Variants in PHTF2 observed in about 807,000 individuals in gnomAD.
The protein encoded by PHTF2 is protein PHTF2.
Under a neutral mutation model 101.2 loss-of-function variants are expected in PHTF2, and 60 were observed. The ratio of observed to expected loss-of-function variants is 0.59; its 90% CI spans 0.48 to 0.73. PHTF2 has a LOEUF of 0.73. Among genes scored for constraint, PHTF2 ranks in the 30% least tolerant of loss-of-function variants. The probability of loss-of-function intolerance (pLI) is 0.00; values close to 1 mark genes in which losing one functional copy is unlikely to be tolerated. For synonymous variants in PHTF2, 311 were observed against 307.3 expected (o/e 1.01, Z -0.13); for missense variants, 747 against 908.7 (o/e 0.82, Z 2.29).
chr7:77,827,956 T>A (rs1191248501), intron 1 of PHTF2, among the ~76,000 whole-genome samples: 1 of 152,158 alleles, frequency 6.6e-6, no homozygotes, highest in Non-Finnish European at 1.5e-5. Context: ...AATAGTATTT[T>A]TGATGATGAG....
intron 2 of PHTF2, among the ~76,000 whole-genome samples, chr7:77,851,044 A>G (rs1336449523): frequency 6.6e-6 from 1 of 152,158 alleles, no homozygotes; most frequent in African/African-American, 2.4e-5. Context: ...TTTTGTCTTT[A>G]TCAGGGATAC....
intron 3 of PHTF2, among the ~76,000 whole-genome samples, chr7:77,858,164 T>C (rs1307061755): frequency 6.6e-6 from 1 of 152,190 alleles, no homozygotes; most frequent in East Asian, 1.9e-4. Flanking sequence ...ATAAGACTTA[T>C]CCTAGCAGAA....
At chr7:77,816,842 T>G (rs1793891512) in intron 1 of PHTF2, among the ~76,000 whole-genome samples, 1 of 152,248 alleles carries the variant, frequency 6.6e-6, no homozygotes, top group Admixed American at 6.5e-5. Context: ...TGTTCCTGGC[T>G]TTTTTCGCTT....
At chr7:77,944,942 G>A (rs900558679) in intron 16 of PHTF2, among the ~76,000 whole-genome samples, 1 of 152,206 alleles carries the variant, frequency 6.6e-6, no homozygotes, top group Non-Finnish European at 1.5e-5. Flanking sequence ...ATAGTGAACT[G>A]GGAGGTGAAA....
chr7:77,863,023 A>C (rs1797769212), intron 3 of PHTF2, among the ~76,000 whole-genome samples: 1 of 152,220 alleles, frequency 6.6e-6, no homozygotes, highest in African/African-American at 2.4e-5. Context: ...TAGATTCAGC[A>C]CCAAGGATTG....
At chr7:77,872,692 G>T (rs1343313730) in intron 3 of PHTF2, among the ~76,000 whole-genome samples, 1 of 152,184 alleles carries the variant, frequency 6.6e-6, no homozygotes. Flanking sequence ...CTTCAGAGAT[G>T]CAGGTGCTGC....
chr7:77,902,968 A>G (rs559599763), intron 7 of PHTF2, among the ~76,000 whole-genome samples: 21 of 152,296 alleles, frequency 1.4e-4, no homozygotes, highest in African/African-American at 4.8e-4. Context: ...TAATATTTTC[A>G]TGGCAGGAAA....
intron 17 of PHTF2, among the ~76,000 whole-genome samples, 173 bp from the exon 17 acceptor site, chr7:77,951,444 C>G (rs1165714794): frequency 1.3e-5 from 2 of 151,954 alleles, no homozygotes; most frequent in Non-Finnish European, 2.9e-5. Flanking sequence ...GTTTGAGAAA[C>G]AGTTATTATT....
intron 9 of PHTF2, among the ~76,000 whole-genome samples, chr7:77,917,134 T>G (rs1803002399): frequency 6.6e-6 from 1 of 152,238 alleles, no homozygotes; most frequent in African/African-American, 2.4e-5. Context: ...TCTATTTTAT[T>G]CAATTTTTTA....
intron 7 of PHTF2, among the ~76,000 whole-genome samples, chr7:77,904,378 A>G (rs1414963204): frequency 6.6e-6 from 1 of 151,826 alleles, no homozygotes; most frequent in Non-Finnish European, 1.5e-5. Flanking sequence ...TCCTTTCGTA[A>G]CTCCCCAATG....
chr7:77,904,468 A>G (rs765917661), intron 7 of PHTF2, among the ~76,000 whole-genome samples: 1 of 152,244 alleles, frequency 6.6e-6, no homozygotes, highest in African/African-American at 2.4e-5. Flanking sequence ...CCATAACAAA[A>G]TACCACAGAT....
intron 9 of PHTF2, among the ~76,000 whole-genome samples, chr7:77,915,104 G>A (rs1802784738): frequency 6.6e-6 from 1 of 151,608 alleles, no homozygotes; most frequent in Admixed American, 6.6e-5. Flanking sequence ...TAGAGGTGGG[G>A]TTTCACCGTG....
At chr7:77,941,698 T>C in intron 15 of PHTF2, among the ~76,000 whole-genome samples, 1 of 152,208 alleles carries the variant, frequency 6.6e-6, no homozygotes, top group East Asian at 1.9e-4. Context: ...TGCTTCTCTT[T>C]GTTCCATTTC....
intron 19 of PHTF2, among the ~76,000 whole-genome samples, chr7:77,954,610 G>GTATA (rs1295236333): frequency 0.029 from 2,344 of 82,052 alleles, 47 homozygotes; most frequent in Non-Finnish European, 0.036. Flanking sequence ...AACAAGTACT[G>GTATA]TGTATATATA....
At chr7:77,917,673 C>T (rs948319956) in intron 9 of PHTF2, among the ~76,000 whole-genome samples, 2 of 152,144 alleles carry the variant, frequency 1.3e-5, no homozygotes, top group African/African-American at 4.8e-5. Context: ...TGCCAGGCTG[C>T]ACCTGGTACT....
chr7:77,821,599 G>T (rs557843429), intron 1 of PHTF2, among the ~76,000 whole-genome samples: 12 of 152,102 alleles, frequency 7.9e-5, no homozygotes, highest in African/African-American at 2.4e-4. Flanking sequence ...CCCTTGACAT[G>T]GCTTCACAAC....
intron 1 of PHTF2, among the ~76,000 whole-genome samples, chr7:77,832,033 A>AT (rs57416130): frequency 0.012 from 1,678 of 143,738 alleles, 12 homozygotes; most frequent in African/African-American, 0.02. Flanking sequence ...CTCTCCAGAG[A>AT]TTTTTTTTTT....
At chr7:77,904,692 A>G (rs1801694891) in intron 7 of PHTF2, among the ~76,000 whole-genome samples, 1 of 152,174 alleles carries the variant, frequency 6.6e-6, no homozygotes, top group Admixed American at 6.5e-5. Flanking sequence ...CAAGAGTCGT[A>G]TCAGTTTAAG....
Position 77,868,806 on chromosome 7 carries a change from T to G in PHTF2, c.147+13972T>G, listed in dbSNP as rs186361144. 2.1e-3 allele frequency among the ~76,000 whole-genome samples: 319 copies of G among 152,298 alleles called. 1 individual carries two copies. The highest frequency in any genetic ancestry group is 6.8e-3 in the African/African-American group (282 of 41,564). On this transcript the variant is annotated intron_variant, in intron 3 of 19. Coordinates refer to ENST00000416283, the Ensembl canonical transcript of PHTF2. ...CTATCTGGCCTTGGGCTAACATCTCTGAGACTCAGTTTCCTCACGTTTAAA... is the reference window on the plus strand; with the variant it reads ...CTATCTGGCCTTGGGCTAACATCTCGGAGACTCAGTTTCCTCACGTTTAAA...
Sources: allele counts gnomAD v4.1 joint callset (sites outside exome capture counted in the v4.1 genomes callset), GRCh38; gene constraint gnomAD v4.1.1; transcripts MANE v1.5; gene names NCBI Gene and HGNC (gene_info 2026-07-23, HGNC 2026-07-21).